Variants in PCGF6 observed in about 807,000 individuals in gnomAD.
PCGF6 encodes polycomb group RING finger protein 6.
A neutral mutation model predicts 45.5 loss-of-function variants in PCGF6; 24 were observed. The observed-to-expected ratio is 0.53, with a 90% CI of 0.38 to 0.74. The LOEUF (loss-of-function observed/expected upper bound fraction) is 0.74. Among genes scored for constraint, PCGF6 ranks in the 30% least tolerant of loss-of-function variants. The pLI is 0.00. For missense variants in PCGF6, 356 were observed against 443.2 expected (o/e 0.80, Z 1.77); for synonymous variants, 152 against 162.1 (o/e 0.94, Z 0.47).
rs750499699 is a variant in PCGF6, at chr10:103,333,955, G to A, written c.783-3C>T. ...AATGTCCCGTGCCTTCATTAGCACTGAAAAATGAGAGCAAAATTAATCAAT... is the reference window on the plus strand; with the variant it reads ...AATGTCCCGTGCCTTCATTAGCACTAAAAAATGAGAGCAAAATTAATCAAT... On this transcript the variant is annotated splice_polypyrimidine_tract_variant and splice_region_variant and intron_variant, in intron 6 of 9. Transcript: ENST00000369847. 2 of 1,531,692 alleles carry A rather than the reference G, an allele frequency of 1.3e-6. No homozygotes were observed. The highest frequency in any genetic ancestry group is 2.4e-5 in the East Asian group (1 of 41,270). 94.9% of individuals were successfully genotyped at this position (1,531,692 alleles called of 1,614,324 possible).
chr10:103,321,509 C>T (rs1000396346), intron 8 of PCGF6, among the ~76,000 whole-genome samples: 4 of 152,072 alleles, frequency 2.6e-5, no homozygotes, highest in East Asian at 3.9e-4. Context: ...GTCAGGAGAT[C>T]GAGATCATCC....
Position 103,320,585 on chromosome 10 carries a change from G to C in PCGF6, c.909+5949C>G, listed in dbSNP as rs935240629. 2.6e-5 allele frequency among the ~76,000 whole-genome samples: 4 copies of C among 152,210 alleles called. No individual in the cohort carries two copies. In the East Asian group the frequency reaches 7.7e-4, roughly 29 times the overall value. ...GCCTGTAATCCCAGCTACTCAGGAGGCTGAGGCAGGATAATCGCTTGAACC... is the reference window on the plus strand; with the variant it reads ...GCCTGTAATCCCAGCTACTCAGGAGCCTGAGGCAGGATAATCGCTTGAACC... On this transcript the variant is annotated intron_variant, in intron 8 of 9. Transcript: ENST00000369847.
At chr10:103,306,835 G>T (rs1049166032) in intron 9 of PCGF6, among the ~76,000 whole-genome samples, 3 of 152,214 alleles carry the variant, frequency 2.0e-5, no homozygotes, top group South Asian at 2.1e-4. Context: ...CAGGTGCAGG[G>T]GCTCATGCCT....
intron 9 of PCGF6, 43 bp downstream of exon 9, chr10:103,314,143 C>T: frequency 7.9e-7 from 1 of 1,267,742 alleles, no homozygotes; most frequent in Non-Finnish European, 1.1e-6. Flanking sequence ...ATAACTTTCA[C>T]TAAGTAACTT....
chr10:103,337,778 T>G (rs2093262740), intron 6 of PCGF6, among the ~76,000 whole-genome samples: 1 of 115,256 alleles, frequency 8.7e-6, no homozygotes, highest in Non-Finnish European at 1.9e-5. Flanking sequence ...AAATACAAAA[T>G]TAGCGGCCGG....
Position 103,340,130 on chromosome 10 carries a change from T to C in PCGF6, c.782+4894A>G, listed in dbSNP as rs963558908. Among the ~76,000 whole-genome samples the C allele has an allele frequency of 7.1e-5, 10 of 140,656 alleles. No individual in the cohort carries two copies. In the East Asian group the frequency reaches 1.4e-3, roughly 20 times the overall value. 92.3% of individuals were successfully genotyped at this position (140,656 alleles called of 152,430 possible). A position where few individuals can be genotyped will look rare whatever the true frequency, so the allele number is the denominator to read the frequency against. On this transcript the variant is annotated intron_variant, in intron 6 of 9. Coordinates refer to ENST00000369847, the MANE Select transcript of PCGF6 (RefSeq NM_001011663.2). Reference sequence around the variant, plus strand: ...AGGCAGAGGCTGCAGTGAGCCGAGATTGTGCCTCTGCATTCCAACCTGGGT... The same window carrying C: ...AGGCAGAGGCTGCAGTGAGCCGAGACTGTGCCTCTGCATTCCAACCTGGGT...
At position 103,326,739 on chromosome 10, in the gene PCGF6, C is replaced by T. The variant is rs190209704; in HGVS notation, c.811-107G>A. ...GTAAACATTAAAGAAAATTTTATAG[C>T]GAAGATGATTCAATAGACTCTTGAA... On this transcript the variant is annotated intron_variant, in intron 7 of 9. Transcript: ENST00000369847. The T allele has an allele frequency of 3.2e-4, 212 of 669,530 alleles. 1 individual carries two copies. Among genetic ancestry groups the T allele is most frequent in the African/African-American group, 2.6e-3 (143 of 54,154 alleles). The allele number at this position is 669,530 out of a possible 1,614,324, so 41.5% of individuals were successfully genotyped here. A position where few individuals can be genotyped will look rare whatever the true frequency, so the allele number is the denominator to read the frequency against.
rs1444506929 is a variant in PCGF6 at position 103,339,826 on chromosome 10, C to A, written c.782+5198G>T. Among the ~76,000 whole-genome samples the A allele has an allele frequency of 2.1e-3, 246 of 117,280 alleles. 2 individuals are homozygous for A. Among genetic ancestry groups the A allele is most frequent in the Non-Finnish European group, 2.8e-3 (157 of 56,192 alleles). The allele number at this position is 117,280 out of a possible 152,430, so 76.9% of individuals were successfully genotyped here. A position where few individuals can be genotyped will look rare whatever the true frequency, so the allele number is the denominator to read the frequency against. On this transcript the variant is annotated intron_variant, in intron 6 of 9. Coordinates refer to ENST00000369847, the MANE Select transcript of PCGF6 (RefSeq NM_001011663.2). The stretch of plus-strand genomic sequence containing the variant: ...CAAAAAAAAAACACACACACACACA[C>A]ACACACACACACACACACACACACA...
intron 7 of PCGF6, among the ~76,000 whole-genome samples, chr10:103,332,102 C>G (rs2093242190): frequency 6.6e-6 from 1 of 151,980 alleles, no homozygotes; most frequent in Non-Finnish European, 1.5e-5. Context: ...TAATACATCT[C>G]TGTGTCCCCT....
At chr10:103,330,830 G>A (rs1320455523) in intron 7 of PCGF6, among the ~76,000 whole-genome samples, 2 of 152,208 alleles carry the variant, frequency 1.3e-5, no homozygotes, top group Non-Finnish European at 2.9e-5. Flanking sequence ...TTGGGAGGCT[G>A]AGGCAGGAGA....
chr10:103,329,260 A>G (rs565585112), intron 7 of PCGF6, among the ~76,000 whole-genome samples: 102 of 146,134 alleles, frequency 7.0e-4, no homozygotes, highest in Non-Finnish European at 6.0e-4. Context: ...GGCTGGTCTC[A>G]AACTCCTGAC....
Position 103,347,255 on chromosome 10 carries a change from A to G in PCGF6, c.656T>C (p.Leu219Pro). Residue 219 changes from leucine (L) to proline (P), a missense_variant, in exon 5 of 10, where the codon CTA (leucine) becomes CCA (proline). Leu to Pro is a moderately conservative substitution (Grantham distance 98, BLOSUM62 -3). Coordinates refer to ENST00000369847, the MANE Select transcript of PCGF6 (RefSeq NM_001011663.2). ...AAACTTACCAGGTTTAGGTACTTCTAGACCTCTTTCTTTATAGAAATCATG... is the reference window on the plus strand; with the variant it reads ...AAACTTACCAGGTTTAGGTACTTCTGGACCTCTTTCTTTATAGAAATCATG... Reference protein sequence around the residue: ...QMHDFYKERGLEVPKPAVPQP... With the variant: ...QMHDFYKERGPEVPKPAVPQP... The G allele has an allele frequency of 6.2e-7, 1 of 1,607,984 alleles. No individual in the cohort carries two copies.
chr10:103,333,902 G>C, intron 7 of PCGF6, 23 bp downstream of exon 7: 1 of 1,545,194 alleles, frequency 6.5e-7, no homozygotes, highest in Non-Finnish European at 8.7e-7. Context: ...CTTGTGAAAT[G>C]AATGAAAAAA....
At position 103,337,791 on chromosome 10, in the gene PCGF6, G is replaced by A. The variant is rs1395219548; in HGVS notation, c.783-3839C>T. On this transcript the variant is annotated intron_variant, in intron 6 of 9. Transcript: ENST00000369847. ...AAAAATACAAAATTAGCGGCCGGGC[G>A]CGGTGGCTCACGCCTGTAATCCCAG... is the stretch of plus-strand genomic sequence containing the variant. Among the ~76,000 whole-genome samples the A allele has an allele frequency of 5.1e-5, 6 of 116,892 alleles. 1 individual carries two copies. Among genetic ancestry groups the A allele is most frequent in the Admixed American group, 2.6e-4 (3 of 11,546 alleles). The allele number at this position is 116,892 out of a possible 152,430, so 76.7% of individuals were successfully genotyped here. A position where few individuals can be genotyped will look rare whatever the true frequency, so the allele number is the denominator to read the frequency against.
intron 8 of PCGF6, 138 bp downstream of exon 8, chr10:103,326,396 A>AG (rs2093218634): frequency 3.8e-6 from 2 of 532,594 alleles, no homozygotes; most frequent in East Asian, 7.0e-5. Context: ...CTCAAAAAAA[A>AG]AAAAAAAAAA....
intron 9 of PCGF6, among the ~76,000 whole-genome samples, chr10:103,307,547 G>C (rs2093142210): frequency 6.6e-6 from 1 of 152,170 alleles, no homozygotes; most frequent in African/African-American, 2.4e-5. Context: ...ATCAGAGCTC[G>C]CAACAGCCCT....
At chr10:103,315,109 C>T (rs1476833576) in intron 8 of PCGF6, among the ~76,000 whole-genome samples, 2 of 152,046 alleles carry the variant, frequency 1.3e-5, no homozygotes, top group African/African-American at 4.8e-5. Flanking sequence ...GAAGTTCACA[C>T]TAAGGAAACT....
chr10:103,340,192 A>ATATAT (rs1176186230), intron 6 of PCGF6, among the ~76,000 whole-genome samples: 108 of 105,730 alleles, frequency 1.0e-3, no homozygotes, highest in African/African-American at 3.5e-3. Flanking sequence ...AAAAAAAAAA[A>ATATAT]AAAAAAATAT....
chr10:103,343,207 C>CAT (rs2093287268), intron 6 of PCGF6, among the ~76,000 whole-genome samples: 1 of 151,850 alleles, frequency 6.6e-6, no homozygotes, highest in African/African-American at 2.4e-5. Flanking sequence ...GGATTATAGG[C>CAT]GTGAGCCACC....
Sources: allele counts gnomAD v4.1 joint callset (sites outside exome capture counted in the v4.1 genomes callset), GRCh38; gene constraint gnomAD v4.1.1; transcripts MANE v1.5; gene names NCBI Gene and HGNC (gene_info 2026-07-23, HGNC 2026-07-21).